UXS1: variants seen among roughly 807,000 people sequenced by gnomAD.
UXS1 encodes UDP-glucuronic acid decarboxylase 1.
UXS1 carries 33 observed loss-of-function variants against 62.6 expected under a neutral mutation model. The observed-to-expected ratio is 0.53, with a 90% CI of 0.40 to 0.70. The LOEUF is 0.70. Ranked by LOEUF, UXS1 falls within the 30% of genes least tolerant of loss-of-function variation. The pLI is 0.00. For synonymous variants in UXS1, 213 were observed against 206.8 expected, an observed-to-expected ratio of 1.03 and a Z score of -0.26; for missense variants, 434 against 556.3, an observed-to-expected ratio of 0.78 and a Z score of 2.21.
intron 1 of UXS1, among the ~76,000 whole-genome samples, chr2:106,173,985 T>C (rs1683718230): frequency 6.6e-6 from 1 of 151,216 alleles, no homozygotes. Context: ...TAATGCACCC[T>C]GGAGAAGTAA....
chr2:106,189,506 G>T (rs1381498637), intron 1 of UXS1, among the ~76,000 whole-genome samples: 1 of 152,198 alleles, frequency 6.6e-6, no homozygotes, highest in African/African-American at 2.4e-5. Context: ...CACTCGCAGC[G>T]AAGTGCAGGC....
chr2:106,187,270 C>T (rs912469710), intron 1 of UXS1, among the ~76,000 whole-genome samples: 2 of 152,064 alleles, frequency 1.3e-5, no homozygotes, highest in Non-Finnish European at 2.9e-5. Flanking sequence ...TAGGAGGATC[C>T]TAGGAACCTG....
chr2:106,101,183 T>C (rs372572102), intron 11 of UXS1, 65 bp from the exon 12 acceptor site: 51 of 1,528,140 alleles, frequency 3.3e-5, no homozygotes, highest in East Asian at 2.6e-4. Flanking sequence ...ACGCACCACA[T>C]AGAAGCCCTC....
intron 5 of UXS1, among the ~76,000 whole-genome samples, chr2:106,147,629 G>A (rs1681679270): frequency 6.6e-6 from 1 of 152,122 alleles, no homozygotes. Flanking sequence ...GCCTATACCT[G>A]TGAGCCCCCA....
chr2:106,187,655 A>G (rs1046531521), intron 1 of UXS1, among the ~76,000 whole-genome samples: 1 of 152,192 alleles, frequency 6.6e-6, no homozygotes, highest in Non-Finnish European at 1.5e-5. Flanking sequence ...AAGGTACCAC[A>G]ACTAAAATGT....
chr2:106,184,307 A>G (rs923978680), intron 1 of UXS1, among the ~76,000 whole-genome samples: 40 of 152,262 alleles, frequency 2.6e-4, no homozygotes, highest in African/African-American at 9.4e-4. Context: ...ACAAAAAGCA[A>G]GACAAGAAAT....
rs183750287 is a variant in UXS1 at position 106,127,354 on chromosome 2, C to T, written c.578-1675G>A. ...GAGTAACTATACATTTTATATTCCCCCCTACCTGAGTTCTTTCTAGTTTAT... is the reference window on the plus strand; with the variant it reads ...GAGTAACTATACATTTTATATTCCCTCCTACCTGAGTTCTTTCTAGTTTAT... On this transcript the variant is annotated intron_variant, in intron 7 of 14. Transcript: ENST00000283148. Among the ~76,000 whole-genome samples the T allele has an allele frequency of 9.8e-4, 150 of 152,288 alleles. 2 individuals carry two copies. Among genetic ancestry groups the T allele is most frequent in the East Asian group, 1.2e-3 (6 of 5,188 alleles).
At chr2:106,142,354 A>G (rs946163293) in intron 6 of UXS1, among the ~76,000 whole-genome samples, 1 of 152,244 alleles carries the variant, frequency 6.6e-6, no homozygotes, top group Admixed American at 6.5e-5. Context: ...TATAAACAAG[A>G]AACCTAATTC....
At chr2:106,191,006 A>G (rs1390515186) in intron 1 of UXS1, among the ~76,000 whole-genome samples, 3 of 152,206 alleles carry the variant, frequency 2.0e-5, no homozygotes, top group Admixed American at 6.5e-5. Flanking sequence ...GCTGAAACAC[A>G]TAAGACACAA....
At chr2:106,139,668 C>T (rs1680943694) in intron 6 of UXS1, among the ~76,000 whole-genome samples, 1 of 152,158 alleles carries the variant, frequency 6.6e-6, no homozygotes, top group Admixed American at 6.5e-5. Flanking sequence ...GCTTCCACTC[C>T]TTTGTTGATT....
chr2:106,129,405 T>G (rs1156674792), intron 7 of UXS1, among the ~76,000 whole-genome samples: 2 of 152,158 alleles, frequency 1.3e-5, no homozygotes, highest in Non-Finnish European at 2.9e-5. Context: ...CTGTGGTCAC[T>G]CCCAGGGGAT....
At chr2:106,181,715 C>CA (rs1379079663) in intron 1 of UXS1, among the ~76,000 whole-genome samples, 1 of 151,488 alleles carries the variant, frequency 6.6e-6, no homozygotes, top group Non-Finnish European at 1.5e-5. Context: ...GACTCCATCT[C>CA]AAAAAAAATA....
At chr2:106,168,029 C>T (rs564107299) in intron 1 of UXS1, among the ~76,000 whole-genome samples, 75 of 152,202 alleles carry the variant, frequency 4.9e-4, no homozygotes, top group East Asian at 9.7e-4. Flanking sequence ...GGCATGGTGG[C>T]GCATGCCTGT....
At chr2:106,164,657 A>C in intron 3 of UXS1, 79 bp downstream of exon 3, 1 of 1,147,008 alleles carries the variant, frequency 8.7e-7, no homozygotes, top group Admixed American at 2.8e-5. Context: ...TGCCACAATA[A>C]GAATGACAGC....
intron 5 of UXS1, among the ~76,000 whole-genome samples, chr2:106,147,459 A>G (rs1470315002): frequency 6.6e-6 from 1 of 152,130 alleles, no homozygotes; most frequent in Non-Finnish European, 1.5e-5. Context: ...AGTTTTACAC[A>G]AAGATTTACT....
chr2:106,119,752 G>A (rs1679371905), intron 9 of UXS1, among the ~76,000 whole-genome samples: 1 of 152,166 alleles, frequency 6.6e-6, no homozygotes, highest in Admixed American at 6.5e-5. Context: ...GTGGCAGGAG[G>A]TGCTTGGACC....
At chr2:106,125,713 A>G (rs1038303309) in intron 7 of UXS1, 34 bp from the exon 8 acceptor site, 3 of 1,536,570 alleles carry the variant, frequency 2.0e-6, no homozygotes, top group Non-Finnish European at 2.6e-6. Flanking sequence ...AAAGAGACTG[A>G]ATTTACATGT....
chr2:106,103,711 G>C (rs1380034956), intron 11 of UXS1, among the ~76,000 whole-genome samples: 1 of 152,226 alleles, frequency 6.6e-6, no homozygotes, highest in Non-Finnish European at 1.5e-5. Flanking sequence ...CTTGAGGCAA[G>C]ATATTAATGG....
At chr2:106,194,026 CCGGGGCGGGGA>C (rs1397103498) in intron 1 of UXS1, 111 bp downstream of exon 1, 2 of 668,592 alleles carry the variant, frequency 3.0e-6, no homozygotes, top group Non-Finnish European at 4.2e-6. Flanking sequence ...CCGGCCCCGC[CCGGGGCGGGGA>C]GCAACGCGGG....
Sources: allele counts gnomAD v4.1 joint callset (sites outside exome capture counted in the v4.1 genomes callset), GRCh38; gene constraint gnomAD v4.1.1; transcripts MANE v1.5; gene names NCBI Gene and HGNC (gene_info 2026-07-23, HGNC 2026-07-21).